Variants in ALK observed in about 807,000 individuals in gnomAD.
ALK encodes the protein ALK receptor tyrosine kinase, also known as ALK tyrosine kinase receptor.
In ALK, 74 loss-of-function variants were observed where a neutral mutation model predicts 163.1. The ratio of observed to expected loss-of-function variants is 0.45; its 90% CI spans 0.38 to 0.55. ALK has a LOEUF of 0.55. Ranked by LOEUF, ALK falls within the 20% of genes least tolerant of loss-of-function variation. The pLI, the probability that ALK is intolerant of heterozygous loss-of-function variation, is 0.00. For synonymous variants in ALK, 960 were observed against 843.2 expected, an observed-to-expected ratio of 1.14 and a Z score of -2.40; for missense variants, 2,063 against 2,105.3, an observed-to-expected ratio of 0.98 and a Z score of 0.39.
At chr2:29,633,990 GAATT>G (rs1676452849) in intron 3 of ALK, among the ~76,000 whole-genome samples, 1 of 152,014 alleles carries the variant, frequency 6.6e-6, no homozygotes. Flanking sequence ...AACATATAAA[GAATT>G]AATACCAATT....
intron 1 of ALK, among the ~76,000 whole-genome samples, chr2:29,854,493 G>A (rs1234851928): frequency 6.6e-6 from 1 of 152,066 alleles, no homozygotes; most frequent in Admixed American, 6.5e-5. Flanking sequence ...GTAGGCTGAG[G>A]CTTCCTGAGG....
intron 4 of ALK, among the ~76,000 whole-genome samples, chr2:29,447,820 T>C (rs1670724266): frequency 6.6e-6 from 1 of 152,098 alleles, no homozygotes; most frequent in African/African-American, 2.4e-5. Flanking sequence ...CTTACTACTC[T>C]CAACTTTTCC....
chr2:29,447,216 CT>C (rs1670707097), intron 4 of ALK, among the ~76,000 whole-genome samples: 1 of 152,192 alleles, frequency 6.6e-6, no homozygotes, highest in South Asian at 2.1e-4. Flanking sequence ...CCCAGCTGAC[CT>C]TCCAGCCAGA....
chr2:29,633,994 T>C (rs1257484374), intron 3 of ALK, among the ~76,000 whole-genome samples: 2 of 152,136 alleles, frequency 1.3e-5, no homozygotes, highest in African/African-American at 4.8e-5. Flanking sequence ...TATAAAGAAT[T>C]AATACCAATT....
chr2:29,325,974 T>C (rs1240473176), intron 6 of ALK, among the ~76,000 whole-genome samples: 1 of 152,112 alleles, frequency 6.6e-6, no homozygotes, highest in Non-Finnish European at 1.5e-5. Context: ...GGCACACAAA[T>C]AAGAAAAAGG....
Position 29,920,272 on chromosome 2 carries a change from C to G in ALK, c.388G>C (p.Gly130Arg). 6.3e-7 allele frequency: 1 copy of G among 1,592,448 alleles called. No individual in the cohort carries two copies. Among genetic ancestry groups the G allele is most frequent in the Non-Finnish European group, 8.5e-7 (1 of 1,170,432 alleles). ...GCACGCCGGAGCTTGCGCACGGAGC[C>G]GCCCTTCAGCACCCTGGACAGCGTC... ...ARTLSRVLKG[G>R]SVRKLRRAKQ... is the part of the protein sequence containing the mutation. The change falls in exon 1 of 29, where the codon GGC becomes CGC. Residue 130 changes from glycine (G) to arginine (R), a missense_variant. Physicochemically the swap from Gly to Arg is moderately radical, Grantham distance 125. Around this residue, in one of 5 missense-constraint regions of ALK, gnomAD observed 987 missense variants for 939.5 expected, o/e 1.05. Coordinates refer to ENST00000389048, the MANE Select transcript of ALK (RefSeq NM_004304.5).
At chr2:29,264,102 C>T (rs764330322) in intron 11 of ALK, among the ~76,000 whole-genome samples, 13 of 152,334 alleles carry the variant, frequency 8.5e-5, no homozygotes, top group African/African-American at 1.7e-4. Context: ...CTGACTTCTT[C>T]GATGAAGAGC....
chr2:29,583,216 C>G (rs1237734315), intron 3 of ALK, among the ~76,000 whole-genome samples: 1 of 152,088 alleles, frequency 6.6e-6, no homozygotes, highest in Non-Finnish European at 1.5e-5. Context: ...ACTGTTCCTT[C>G]CACTACACTT....
chr2:29,211,719 A>G (rs1334555154), intron 24 of ALK, among the ~76,000 whole-genome samples: 1 of 152,234 alleles, frequency 6.6e-6, no homozygotes, highest in Non-Finnish European at 1.5e-5. Flanking sequence ...CCTCTTAGCT[A>G]GTTAGAACAT....
At chr2:29,212,000 A>C (rs376176445) in intron 24 of ALK, among the ~76,000 whole-genome samples, 1 of 152,212 alleles carries the variant, frequency 6.6e-6, no homozygotes, top group East Asian at 1.9e-4. Flanking sequence ...GGGTATCATC[A>C]AAATGTCTTG....
chr2:29,415,913 C>T (rs755272057), intron 4 of ALK, among the ~76,000 whole-genome samples: 9 of 152,192 alleles, frequency 5.9e-5, no homozygotes, highest in Non-Finnish European at 1.3e-4. Context: ...CTGAGACTTA[C>T]ACCAGCAGCA....
intron 4 of ALK, among the ~76,000 whole-genome samples, chr2:29,416,753 G>T (rs1669888101): frequency 6.6e-6 from 1 of 152,018 alleles, no homozygotes; most frequent in Non-Finnish European, 1.5e-5. Flanking sequence ...GAGGGATATG[G>T]GTTCAAATCC....
chr2:29,836,302 AGTGGTT>A (rs1251540398), intron 1 of ALK, among the ~76,000 whole-genome samples: 2 of 152,192 alleles, frequency 1.3e-5, no homozygotes, highest in Non-Finnish European at 2.9e-5. Context: ...CAAAAATTGC[AGTGGTT>A]GGACATAATA....
chr2:29,478,239 A>T (rs927734444), intron 4 of ALK, among the ~76,000 whole-genome samples: 1 of 152,210 alleles, frequency 6.6e-6, no homozygotes, highest in Non-Finnish European at 1.5e-5. Context: ...CCCTCCTCTC[A>T]TCTCTAGGGG....
intron 4 of ALK, among the ~76,000 whole-genome samples, chr2:29,409,031 A>G (rs568675462): frequency 6.6e-6 from 1 of 152,152 alleles, no homozygotes; most frequent in Non-Finnish European, 1.5e-5. Flanking sequence ...AACACCAGGG[A>G]CTTGTTTTGT....
chr2:29,825,548 T>C (rs369839088), intron 1 of ALK, among the ~76,000 whole-genome samples: 3 of 152,188 alleles, frequency 2.0e-5, no homozygotes, highest in African/African-American at 4.8e-5. Context: ...AGGCAGGGAA[T>C]ACTGGCAGGT....
chr2:29,776,225 T>TAAAAAAA (rs58918857), intron 1 of ALK, among the ~76,000 whole-genome samples: 2 of 131,238 alleles, frequency 1.5e-5, no homozygotes, highest in African/African-American at 6.0e-5. Flanking sequence ...GGAATTTTGT[T>TAAAAAAA]AAAAAAAAAA....
chr2:29,251,017 C>T (rs1573160291), intron 12 of ALK, 88 bp downstream of exon 12: 1 of 1,384,218 alleles, frequency 7.2e-7, no homozygotes, highest in Non-Finnish European at 9.9e-7. Context: ...CATGCCTGGG[C>T]ACCCCAGGAA....
chr2:29,630,047 C>G (rs918289111), intron 3 of ALK, among the ~76,000 whole-genome samples: 2 of 152,160 alleles, frequency 1.3e-5, no homozygotes, highest in Non-Finnish European at 2.9e-5. Flanking sequence ...AAAGGTATTT[C>G]ATGTCAGTTG....
Sources: gnomAD v4.1 joint callset for allele counts (sites outside exome capture counted in the v4.1 genomes callset) on GRCh38, gnomAD v4.1.1 for gene constraint, gnomAD v4.1.1 regional missense constraint, MANE v1.5 for transcripts, NCBI Gene and HGNC (gene_info 2026-07-23, HGNC 2026-07-21) for gene names.